The following PTPRN2 variants were observed in gnomAD, a reference collection of about 807,000 sequenced individuals.
PTPRN2 encodes protein tyrosine phosphatase receptor type N2, also known as receptor-type tyrosine-protein phosphatase N2.
A neutral mutation model predicts 118.8 loss-of-function variants in PTPRN2; 74 were observed. That is an observed-to-expected ratio of 0.62 (90% CI 0.52 to 0.76). The LOEUF (loss-of-function observed/expected upper bound fraction) is 0.76. Among genes scored for constraint, PTPRN2 ranks in the 30% least tolerant of loss-of-function variants. The probability of loss-of-function intolerance (pLI) is 0.00; values close to 1 mark genes in which losing one functional copy is unlikely to be tolerated. For missense variants in PTPRN2, 1,481 were observed against 1,394.4 expected (o/e 1.06, Z -0.99); for synonymous variants, 641 against 608.0 (o/e 1.05, Z -0.80).
chr7:158,331,025 A>G (rs1804291523), intron 2 of PTPRN2, among the ~76,000 whole-genome samples: 1 of 136,546 alleles, frequency 7.3e-6, no homozygotes, highest in Admixed American at 7.6e-5. Flanking sequence ...TCACATCCAC[A>G]CTCTCACCAT....
At chr7:158,286,688 C>T (rs997770617) in intron 3 of PTPRN2, among the ~76,000 whole-genome samples, 6 of 152,166 alleles carry the variant, frequency 3.9e-5, no homozygotes, top group African/African-American at 1.4e-4. Context: ...TCCTTGCATA[C>T]CAGGGATAAA....
At chr7:157,684,909 C>A (rs1002861614) in intron 12 of PTPRN2, among the ~76,000 whole-genome samples, 1 of 151,878 alleles carries the variant, frequency 6.6e-6, no homozygotes, top group Non-Finnish European at 1.5e-5. Flanking sequence ...CGGGGAGGAG[C>A]GGCCGCGACC....
intron 12 of PTPRN2, among the ~76,000 whole-genome samples, chr7:157,856,472 G>A (rs1247077561): frequency 6.6e-6 from 1 of 152,202 alleles, no homozygotes; most frequent in African/African-American, 2.4e-5. Flanking sequence ...CCCACCACAG[G>A]CCGGTGCCTC....
chr7:158,252,363 C>T (rs1356490357), intron 3 of PTPRN2, among the ~76,000 whole-genome samples: 2 of 152,226 alleles, frequency 1.3e-5, no homozygotes, highest in East Asian at 3.9e-4. Flanking sequence ...AGTGGTGTCA[C>T]CGTTCGGATG....
At chr7:158,115,071 G>A (rs529487907) in intron 9 of PTPRN2, among the ~76,000 whole-genome samples, 2 of 152,298 alleles carry the variant, frequency 1.3e-5, no homozygotes, top group African/African-American at 4.8e-5. Flanking sequence ...GAAGGCTGAG[G>A]AGCCAAGATC....
intron 12 of PTPRN2, among the ~76,000 whole-genome samples, chr7:157,706,636 A>G (rs139270265): frequency 6.6e-6 from 1 of 151,512 alleles, no homozygotes; most frequent in Non-Finnish European, 1.5e-5. Flanking sequence ...CAACGTGACC[A>G]CATCCTTCCA....
At chr7:157,745,541 T>C (rs904013683) in intron 12 of PTPRN2, among the ~76,000 whole-genome samples, 1 of 151,894 alleles carries the variant, frequency 6.6e-6, no homozygotes, top group Non-Finnish European at 1.5e-5. Flanking sequence ...CCGACAATGC[T>C]CACCTCTCTT....
chr7:158,269,564 A>G (rs1235450748), intron 3 of PTPRN2, among the ~76,000 whole-genome samples: 1 of 152,242 alleles, frequency 6.6e-6, no homozygotes, highest in African/African-American at 2.4e-5. Flanking sequence ...CCAGTTTTCA[A>G]GTCCCTGGGG....
chr7:158,063,274 A>C (rs1161006591), intron 11 of PTPRN2, among the ~76,000 whole-genome samples: 1 of 151,978 alleles, frequency 6.6e-6, no homozygotes, highest in Non-Finnish European at 1.5e-5. Flanking sequence ...GTGTCTAGCT[A>C]ATGGTTTGTA....
At chr7:157,800,513 C>T (rs28548036) in intron 12 of PTPRN2, among the ~76,000 whole-genome samples, 3,395 of 152,304 alleles carry the variant, frequency 0.022, 129 homozygotes, top group African/African-American at 0.077. Context: ...CCCAGGCCGC[C>T]GCACTCCTCC....
At chr7:158,207,719 C>T (rs1827267760) in intron 3 of PTPRN2, among the ~76,000 whole-genome samples, 1 of 152,176 alleles carries the variant, frequency 6.6e-6, no homozygotes, top group South Asian at 2.1e-4. Flanking sequence ...AAATACCTAA[C>T]TCAGACACCA....
chr7:158,458,616 C>T (rs1818717472), intron 2 of PTPRN2, among the ~76,000 whole-genome samples: 1 of 152,218 alleles, frequency 6.6e-6, no homozygotes, highest in African/African-American at 2.4e-5. Context: ...GGTCTCCCAA[C>T]AGCCCTGCAG....
At chr7:157,682,660 A>T (rs926740200) in intron 13 of PTPRN2, 65 bp downstream of exon 13, 1 of 1,479,392 alleles carries the variant, frequency 6.8e-7, no homozygotes, top group Non-Finnish European at 9.4e-7. Flanking sequence ...CCAGAGAGGA[A>T]CGCCATCATC....
At chr7:158,559,995 C>T (rs886892880) in intron 1 of PTPRN2, among the ~76,000 whole-genome samples, 7 of 152,338 alleles carry the variant, frequency 4.6e-5, no homozygotes, top group South Asian at 2.1e-4. Flanking sequence ...AACTCTGTCC[C>T]GATTAAACAC....
intron 13 of PTPRN2, among the ~76,000 whole-genome samples, chr7:157,668,647 C>G (rs192519445): frequency 2.4e-3 from 359 of 152,312 alleles, no homozygotes; most frequent in Non-Finnish European, 3.4e-3. Context: ...CCCTGGCCTT[C>G]AGCTCAGAGG....
At chr7:158,341,726 C>A (rs796413621) in intron 2 of PTPRN2, among the ~76,000 whole-genome samples, 2 of 140,748 alleles carry the variant, frequency 1.4e-5, no homozygotes, top group Non-Finnish European at 3.0e-5. Context: ...ATAGAGCTGA[C>A]GCCCGCAGAC....
chr7:158,094,447 T>C (rs935252765), intron 10 of PTPRN2, among the ~76,000 whole-genome samples: 2 of 152,082 alleles, frequency 1.3e-5, no homozygotes, highest in African/African-American at 4.8e-5. Context: ...GTAGCTGGGA[T>C]TACAGGCACC....
intron 3 of PTPRN2, among the ~76,000 whole-genome samples, chr7:158,286,919 G>A (rs758082270): frequency 1.3e-5 from 2 of 152,176 alleles, no homozygotes; most frequent in African/African-American, 4.8e-5. Flanking sequence ...GTTTGAGAAG[G>A]ATGAGTATTA....
chr7:158,129,586 T>C (rs1218539940), intron 9 of PTPRN2, among the ~76,000 whole-genome samples: 1 of 150,740 alleles, frequency 6.6e-6, no homozygotes, highest in Non-Finnish European at 1.5e-5. Context: ...ACACCACACA[T>C]CACTACATTA....
Sources: allele counts gnomAD v4.1 joint callset (sites outside exome capture counted in the v4.1 genomes callset), GRCh38; gene constraint gnomAD v4.1.1; transcripts MANE v1.5; gene names NCBI Gene and HGNC (gene_info 2026-07-23, HGNC 2026-07-21).